Variants in NUSAP1 observed in about 807,000 individuals in gnomAD.
The protein encoded by NUSAP1 is nucleolar and spindle-associated protein 1.
Under a neutral mutation model 52.8 loss-of-function variants are expected in NUSAP1, and 32 were observed. That is an observed-to-expected ratio of 0.61 (90% CI 0.46 to 0.81). NUSAP1 has a LOEUF of 0.81. Ranked by LOEUF, NUSAP1 falls within the 40% of genes least tolerant of loss-of-function variation. The pLI, the probability that NUSAP1 is intolerant of heterozygous loss-of-function variation, is 0.00. For synonymous variants in NUSAP1, 195 were observed against 183.1 expected, an observed-to-expected ratio of 1.06 and a Z score of -0.52; for missense variants, 499 against 522.3, an observed-to-expected ratio of 0.96 and a Z score of 0.43.
rs187178250 is a variant in NUSAP1, at chr15:41,364,784, C to T, written c.661-618C>T. 9.9e-5 allele frequency among the ~76,000 whole-genome samples: 15 copies of T among 152,158 alleles called. 1 individual carries two copies. Among genetic ancestry groups the T allele is most frequent in the African/African-American group, 3.6e-4 (15 of 41,528 alleles). ...TCAGAAGGCTAAGGTGGGAGGATCG[C>T]TTGAACCTGGAAGGTGAAGATTGCA... On this transcript the variant is annotated intron_variant, in intron 6 of 10. Transcript: ENST00000559596.
intron 7 of NUSAP1, 144 bp downstream of exon 7, chr15:41,365,733 T>C: frequency 1.7e-6 from 1 of 573,344 alleles, no homozygotes; most frequent in Non-Finnish European, 2.7e-6. Context: ...TCTTTTTTTT[T>C]TTTTTGAGAT....
chr15:41,380,785 C>CT lies in NUSAP1; in HGVS notation c.*600dup, dbSNP rs2050177160. On this transcript the variant is annotated 3_prime_UTR_variant, in exon 11 of 11. Transcript: ENST00000559596. ...TCACTATATTCACAAAAATAAAACTCTACAACTCATTCTAACATTGCTTAC... is the reference window on the plus strand; with the variant it reads ...TCACTATATTCACAAAAATAAAACTCTTACAACTCATTCTAACATTGCTTAC... The CT allele has an allele frequency of 6.6e-6, 1 of 152,278 alleles. No homozygotes were observed. The highest frequency in any genetic ancestry group is 2.4e-5 in the African/African-American group (1 of 41,448). 9.4% of individuals were successfully genotyped at this position (152,278 alleles called of 1,614,324 possible).
At chr15:41,379,583 C>T (rs991811129) in intron 10 of NUSAP1, among the ~76,000 whole-genome samples, 12 of 152,008 alleles carry the variant, frequency 7.9e-5, no homozygotes, top group Non-Finnish European at 1.6e-4. Context: ...CTCATTCTGT[C>T]GCCCAGTCTG....
chr15:41,377,230 T>G lies in NUSAP1; in HGVS notation c.1158T>G (p.Asn386Lys). Reference protein sequence around the residue: ...KLKPWGQSKENNYLNQHVNRI... With the variant: ...KLKPWGQSKEKNYLNQHVNRI... ...AACCATGGGGGCAATCTAAAGAAAA[T>G]AATTATCTAAATCAACATGTCAACA... The change falls in exon 10 of 11, where the codon AAT becomes AAG. Residue 386 changes from asparagine to lysine, a missense_variant. Physicochemically the swap from Asn to Lys is moderately conservative, Grantham distance 94. Coordinates refer to ENST00000559596, the MANE Select transcript of NUSAP1 (RefSeq NM_016359.5). 1 of 1,536,566 alleles carries G rather than the reference T, an allele frequency of 6.5e-7. No individual in the cohort carries two copies. Among genetic ancestry groups the G allele is most frequent in the Non-Finnish European group, 8.8e-7 (1 of 1,138,528 alleles).
chr15:41,337,623 A>C (rs1250530701), intron 1 of NUSAP1, among the ~76,000 whole-genome samples: 3 of 152,108 alleles, frequency 2.0e-5, no homozygotes, highest in African/African-American at 7.2e-5. Context: ...TTTTCTACTG[A>C]AATTGCTTTA....
At chr15:41,345,480 T>C (rs1210495424) in intron 2 of NUSAP1, 3 of 422,912 alleles carry the variant, frequency 7.1e-6, no homozygotes, top group South Asian at 1.7e-5. Flanking sequence ...TTTTTTTTTT[T>C]CTGAGTTTCA....
At chr15:41,356,960 T>C (rs1486660590) in intron 5 of NUSAP1, among the ~76,000 whole-genome samples, 3 of 152,202 alleles carry the variant, frequency 2.0e-5, no homozygotes, top group Non-Finnish European at 2.9e-5. Context: ...TCAATAAATG[T>C]TCATATACTT....
chr15:41,349,326 G>T, intron 3 of NUSAP1, 85 bp downstream of exon 3: 1 of 1,301,830 alleles, frequency 7.7e-7, no homozygotes, highest in Non-Finnish European at 1.1e-6. Context: ...AAATTCCCAT[G>T]TGATGTCATG....
chr15:41,351,093 G>C lies in NUSAP1; in HGVS notation c.412G>C (p.Asp138His), dbSNP rs189325557. Residue 138 changes from aspartate to histidine, a missense_variant, in exon 4 of 11, where the codon GAC becomes CAC. Transcript: ENST00000559596. Reference protein sequence around the residue: ...RATAKVPSPPDEHQEAENAVS... With the variant: ...RATAKVPSPPHEHQEAENAVS... The stretch of plus-strand genomic sequence containing the variant: ...TACTGCAAAAGTTCCTTCTCCACCA[G>C]ACGAGCACCAAGAAGCTGAGAATGC... 1.2e-6 allele frequency: 2 copies of C among 1,613,592 alleles called. No homozygotes were observed. The highest frequency in any genetic ancestry group is 3.3e-5 in the Admixed American group (2 of 59,920).
intron 6 of NUSAP1, among the ~76,000 whole-genome samples, chr15:41,361,654 C>T (rs989139011): frequency 1.3e-5 from 2 of 151,790 alleles, no homozygotes; most frequent in African/African-American, 4.8e-5. Context: ...GAACGACTGT[C>T]TCAACCATAA....
At position 41,333,030 on chromosome 15, in the gene NUSAP1, G is replaced by C. The variant is rs1478629313; in HGVS notation, c.73G>C (p.Gly25Arg). ...SDLQNLAKSL[G>R]LRANLRATKL... ...CCTGCAGAACTTAGCCAAGAGTCTGGGTCTCCGGGCCAACCTGAGGGTACG... is the reference window on the plus strand; with the variant it reads ...CCTGCAGAACTTAGCCAAGAGTCTGCGTCTCCGGGCCAACCTGAGGGTACG... The change falls in exon 1 of 11, where the codon GGT becomes CGT. Residue 25 changes from glycine (G) to arginine (R), a missense_variant. Physicochemically the swap from Gly to Arg is moderately radical, Grantham distance 125. Coordinates refer to ENST00000559596, the MANE Select transcript of NUSAP1 (RefSeq NM_016359.5). The C allele has an allele frequency of 6.2e-7, 1 of 1,610,698 alleles. No individual in the cohort carries two copies. Among genetic ancestry groups the C allele is most frequent in the Non-Finnish European group, 8.5e-7 (1 of 1,178,542 alleles).
intron 8 of NUSAP1, 150 bp from the exon 9 acceptor site, chr15:41,375,562 C>T (rs936567095): frequency 3.2e-5 from 18 of 568,828 alleles, no homozygotes; most frequent in East Asian, 9.3e-5. Context: ...CCGCCCACCT[C>T]GGCCTCCCAA....
At chr15:41,353,633 T>A (rs1025091739) in intron 4 of NUSAP1, among the ~76,000 whole-genome samples, 1 of 152,082 alleles carries the variant, frequency 6.6e-6, no homozygotes, top group East Asian at 1.9e-4. Context: ...AATCAGTGGT[T>A]GAAAGAAAAG....
At position 41,378,944 on chromosome 15, in the gene NUSAP1, G is replaced by GTTTTTTT. The variant is rs1187469450; in HGVS notation, c.1233-1128_1233-1122dup. On this transcript the variant is annotated intron_variant, in intron 10 of 10. Transcript: ENST00000559596. ...CCCAAGATTATATTAACTTATCTTG[G>GTTTTTTT]TTTTTTTTTTTTTTTTTTTTTTTTT... is the stretch of plus-strand genomic sequence containing the variant. 1.6e-3 allele frequency among the ~76,000 whole-genome samples: 104 copies of GTTTTTTT among 63,254 alleles called. 29 individuals carry two copies. The highest frequency in any genetic ancestry group is 5.0e-3 in the African/African-American group (71 of 14,270). 41.5% of individuals were successfully genotyped at this position (63,254 alleles called of 152,430 possible).
intron 2 of NUSAP1, among the ~76,000 whole-genome samples, chr15:41,344,950 GA>G (rs370713573): frequency 0.012 from 1,737 of 149,194 alleles, 39 homozygotes; most frequent in African/African-American, 0.04. Context: ...CCGAAAAAAA[GA>G]AAAAAAAACC....
chr15:41,362,739 A>G (rs924522046), intron 6 of NUSAP1, among the ~76,000 whole-genome samples: 3 of 151,616 alleles, frequency 2.0e-5, no homozygotes, highest in African/African-American at 4.8e-5. Flanking sequence ...CCCATTGTTT[A>G]CCTTTTAACT....
chr15:41,368,039 A>C (rs768964064), intron 7 of NUSAP1, among the ~76,000 whole-genome samples: 3 of 152,186 alleles, frequency 2.0e-5, no homozygotes, highest in Non-Finnish European at 4.4e-5. Flanking sequence ...CCTGGGCAAC[A>C]TAGTGAAAGC....
intron 8 of NUSAP1, 145 bp from the exon 9 acceptor site, chr15:41,375,567 T>C (rs2049893439): frequency 3.4e-6 from 2 of 584,190 alleles, no homozygotes; most frequent in Non-Finnish European, 6.2e-6. Context: ...CACCTCGGCC[T>C]CCCAAAGTGC....
intron 1 of NUSAP1, among the ~76,000 whole-genome samples, chr15:41,337,095 C>T (rs1365158868): frequency 1.4e-5 from 2 of 146,900 alleles, no homozygotes; most frequent in African/African-American, 2.5e-5. Context: ...GGACTCACTG[C>T]AGCCTCAACC....
Sources: allele counts gnomAD v4.1 joint callset (sites outside exome capture counted in the v4.1 genomes callset), GRCh38; gene constraint gnomAD v4.1.1; transcripts MANE v1.5; gene names NCBI Gene and HGNC (gene_info 2026-07-23, HGNC 2026-07-21).